Variants in MORC3 observed in about 807,000 individuals in gnomAD.
MORC3 encodes the protein MORC family CW-type zinc finger protein 3.
MORC3 carries 31 observed loss-of-function variants against 109.1 expected under a neutral mutation model. That is an observed-to-expected ratio of 0.28 (90% confidence interval 0.21 to 0.38). The LOEUF (loss-of-function observed/expected upper bound fraction) is 0.38, where lower values mean the gene tolerates loss of function less well. Ranked by LOEUF, MORC3 falls within the 10% of genes least tolerant of loss-of-function variation. The probability of loss-of-function intolerance (pLI) is 1.00; values close to 1 mark genes in which losing one functional copy is unlikely to be tolerated. For missense variants in MORC3, 867 were observed against 1,135.8 expected (o/e 0.76, Z 3.40); for synonymous variants, 395 against 380.7 (o/e 1.04, Z -0.44).
intron 12 of MORC3, 151 bp downstream of exon 12, chr21:36,360,409 CA>C (rs1347020802): frequency 1.2e-5 from 9 of 734,152 alleles, no homozygotes; most frequent in African/African-American, 3.6e-5. Flanking sequence ...GCTTTAAAAA[CA>C]AAAACTTATG....
At chr21:36,343,129 C>T (rs1003942632) in intron 6 of MORC3, among the ~76,000 whole-genome samples, 2 of 151,798 alleles carry the variant, frequency 1.3e-5, no homozygotes, top group Non-Finnish European at 2.9e-5. Context: ...GAGTTTTGTT[C>T]TTGTTGCCCA....
intron 14 of MORC3, among the ~76,000 whole-genome samples, chr21:36,364,894 A>G (rs1005633258): frequency 2.6e-5 from 4 of 151,958 alleles, no homozygotes; most frequent in African/African-American, 4.8e-5. Context: ...TCTACTAAAA[A>G]TATAAAAATT....
chr21:36,320,651 T>G (rs971950567), intron 1 of MORC3: 2 of 245,876 alleles, frequency 8.1e-6, no homozygotes, highest in African/African-American at 4.5e-5. Flanking sequence ...CCTGACCCTC[T>G]TCTGTCCGCT....
Position 36,367,827 on chromosome 21 carries a change from G to A in MORC3, c.1620-1161G>A, listed in dbSNP as rs2085799645. On this transcript the variant is annotated intron_variant, in intron 14 of 16. Transcript: ENST00000400485. ...TTAGAATGGCAGAAACACTTGAATG[G>A]CAGATGAAAATGGAATGATGCTTTT... Among the ~76,000 whole-genome samples the A allele has an allele frequency of 2.6e-5, 4 of 152,172 alleles. No homozygotes were observed. The South Asian group carries it at 8.3e-4, about 31-fold the overall frequency.
At chr21:36,343,044 T>G (rs898968772) in intron 6 of MORC3, among the ~76,000 whole-genome samples, 8 of 151,564 alleles carry the variant, frequency 5.3e-5, no homozygotes, top group African/African-American at 1.9e-4. Flanking sequence ...AAAAAAAGAT[T>G]GGAGAAATTA....
intron 6 of MORC3, among the ~76,000 whole-genome samples, chr21:36,342,665 A>G (rs769088628): frequency 1.3e-5 from 2 of 151,958 alleles, no homozygotes; most frequent in African/African-American, 2.4e-5. Context: ...CAGCCTCCCA[A>G]AGTGCTGGGA....
At position 36,356,708 on chromosome 21, in the gene MORC3, C is replaced by A; in HGVS notation, c.1192C>A (p.Pro398Thr). 2 of 1,579,694 alleles carry A rather than the reference C, an allele frequency of 1.3e-6. No individual in the cohort carries two copies. The highest frequency in any genetic ancestry group is 2.3e-5 in the South Asian group (2 of 86,804). The part of the protein sequence containing the change: ...KKNTEYPLNL[P>T]VEDIQKRPDQ... ...AAATACAGAATATCCTCTAAATTTG[C>A]CAGTTGAAGATATACAGTAAGTACA... The change falls in exon 10 of 17, where the codon CCA becomes ACA. Residue 398 changes from proline (P) to threonine (T), a missense_variant. Physicochemically the swap from Pro to Thr is conservative, Grantham distance 38. Transcript: ENST00000400485.
At chr21:36,325,556 C>T (rs1481834128) in intron 1 of MORC3, among the ~76,000 whole-genome samples, 5 of 152,214 alleles carry the variant, frequency 3.3e-5, no homozygotes, top group South Asian at 4.1e-4. Flanking sequence ...TAACCAGTCT[C>T]CAGAACTCTT....
chr21:36,354,186 C>T (rs140980693), intron 9 of MORC3, among the ~76,000 whole-genome samples: 33 of 151,968 alleles, frequency 2.2e-4, no homozygotes, highest in African/African-American at 7.7e-4. Flanking sequence ...GTTGAGTAGG[C>T]TGAGGAAGAA....
intron 1 of MORC3, among the ~76,000 whole-genome samples, chr21:36,328,777 T>G (rs1485748106): frequency 6.6e-6 from 1 of 152,078 alleles, no homozygotes; most frequent in African/African-American, 2.4e-5. Context: ...GGGCCCAGTC[T>G]GTAATATCCT....
intron 6 of MORC3, among the ~76,000 whole-genome samples, chr21:36,343,086 T>C (rs549817404): frequency 1.4e-5 from 1 of 70,688 alleles, no homozygotes; most frequent in Non-Finnish European, 2.4e-5. Flanking sequence ...GATAAATTAA[T>C]ATCAAGGTTT....
At chr21:36,367,064 T>C (rs1273348600) in intron 14 of MORC3, among the ~76,000 whole-genome samples, 2 of 152,024 alleles carry the variant, frequency 1.3e-5, no homozygotes, top group East Asian at 1.9e-4. Context: ...AGAGGCTTGG[T>C]TGGAAACTTA....
Position 36,356,640 on chromosome 21 carries a change from G to A in MORC3, c.1124G>A (p.Gly375Glu). 1 of 1,599,020 alleles carries A rather than the reference G, an allele frequency of 6.3e-7. No homozygotes were observed. Among genetic ancestry groups the A allele is most frequent in the Non-Finnish European group, 8.5e-7 (1 of 1,174,550 alleles). ...TTAAGACTTACAATAACAGCACTAG[G>A]AGAAAAGCTGAATGATTACTGGAAT... ...NEYRLTITAL[G>E]EKLNDYWNEM... The change falls in exon 10 of 17, where the codon GGA becomes GAA. Residue 375 changes from glycine (G) to glutamate (E), a missense_variant. Coordinates refer to ENST00000400485, the MANE Select transcript of MORC3 (RefSeq NM_015358.3).
intron 2 of MORC3, among the ~76,000 whole-genome samples, chr21:36,336,561 C>A (rs2085378280): frequency 6.6e-6 from 1 of 152,194 alleles, no homozygotes; most frequent in Admixed American, 6.5e-5. Context: ...ATCTTTTAAT[C>A]ATCTCTGCAG....
Position 36,369,640 on chromosome 21 carries a change from A to G in MORC3, c.2272A>G (p.Ser758Gly), listed in dbSNP as rs754885572. 3.1e-6 allele frequency: 5 copies of G among 1,614,258 alleles called. No individual in the cohort carries two copies. In the Admixed American group the frequency reaches 6.7e-5, roughly 22 times the overall value. The change falls in exon 15 of 17, where the codon AGT becomes GGT. Residue 758 changes from serine (S) to glycine (G), a missense_variant. Physicochemically the swap from Ser to Gly is moderately conservative, Grantham distance 56. This residue lies in a region of MORC3 where 486 missense variants were observed against 502.1 expected (regional missense o/e 0.97). Transcript: ENST00000400485. ...TETDAVFLLESINGKSESPDH... is the reference protein window; with the variant it reads ...TETDAVFLLEGINGKSESPDH... ...AACCGATGCTGTATTTTTACTTGAA[A>G]GTATTAATGGCAAATCTGAAAGTCC...
intron 9 of MORC3, among the ~76,000 whole-genome samples, chr21:36,354,148 C>A (rs976581467): frequency 4.6e-5 from 7 of 151,808 alleles, no homozygotes; most frequent in Non-Finnish European, 1.0e-4. Flanking sequence ...GGAAGTGGTT[C>A]ATATGTCTTC....
chr21:36,333,903 C>T (rs1305620312), intron 2 of MORC3, among the ~76,000 whole-genome samples, 185 bp downstream of exon 2: 2 of 151,928 alleles, frequency 1.3e-5, no homozygotes, highest in African/African-American at 4.8e-5. Flanking sequence ...CTGCCTCAGC[C>T]TCCTGAGTAG....
At chr21:36,366,155 T>A (rs532067948) in intron 14 of MORC3, among the ~76,000 whole-genome samples, 1 of 152,228 alleles carries the variant, frequency 6.6e-6, no homozygotes, top group South Asian at 2.1e-4. Context: ...TAGTACCCAA[T>A]ATGTAGTTTT....
intron 1 of MORC3, 23 bp downstream of exon 1, chr21:36,320,326 G>A (rs763057987): frequency 5.4e-6 from 8 of 1,494,664 alleles, no homozygotes; most frequent in Non-Finnish European, 1.8e-6. Flanking sequence ...GAGGGGTGGA[G>A]CGGGCCGTGT....
Sources: allele counts gnomAD v4.1 joint callset (sites outside exome capture counted in the v4.1 genomes callset), GRCh38; gene constraint gnomAD v4.1.1; regional missense constraint gnomAD v4.1.1; transcripts MANE v1.5; gene names NCBI Gene and HGNC (gene_info 2026-07-23, HGNC 2026-07-21).